Variants in ASPSCR1 observed in about 807,000 individuals in gnomAD.
ASPSCR1 encodes ASPSCR1 tether for SLC2A4, UBX domain containing, also known as tether containing UBX domain for GLUT4.
Under a neutral mutation model 68.9 loss-of-function variants are expected in ASPSCR1, and 55 were observed. The observed-to-expected ratio is 0.80, with a 90% CI of 0.64 to 1.00. The LOEUF is 1.00. ASPSCR1 is among the 50% of genes least tolerant of loss of function. ASPSCR1 has a pLI of 0.00. For missense variants in ASPSCR1, 765 were observed against 762.2 expected (o/e 1.00, Z -0.04); for synonymous variants, 352 against 332.6 (o/e 1.06, Z -0.63).
chr17:82,008,712 C>G (rs896332929), intron 7 of ASPSCR1: 42 of 286,300 alleles, frequency 1.5e-4, no homozygotes, highest in African/African-American at 8.3e-4. Context: ...CCCCTCCCCC[C>G]CATGGAGACC....
intron 3 of ASPSCR1, among the ~76,000 whole-genome samples, chr17:81,985,117 C>G (rs1033097742): frequency 6.6e-6 from 1 of 150,752 alleles, no homozygotes; most frequent in Non-Finnish European, 1.5e-5. Flanking sequence ...CACACACCTG[C>G]ATGTAAACAT....
chr17:81,996,008 C>G lies in ASPSCR1; in HGVS notation c.449C>G (p.Ala150Gly), dbSNP rs776784908. 1.9e-6 allele frequency: 3 copies of G among 1,610,252 alleles called. No individual in the cohort carries two copies. The highest frequency in any genetic ancestry group is 1.7e-6 in the Non-Finnish European group (2 of 1,179,136). ...CTCCTGCAGGTGACGGGTGAAGCTGCCCTGCGGGGCACGACGCTGCAGTCG... is the reference window on the plus strand; with the variant it reads ...CTCCTGCAGGTGACGGGTGAAGCTGGCCTGCGGGGCACGACGCTGCAGTCG... ...YTRDEVTGEA[A>G]LRGTTLQSLG... The change falls in exon 6 of 16, where the codon GCC becomes GGC. Residue 150 changes from alanine (A) to glycine (G), a missense_variant. Physicochemically the swap from Ala to Gly is moderately conservative, Grantham distance 60. Transcript: ENST00000306739.
intron 5 of ASPSCR1, chr17:81,995,196 A>G: frequency 4.2e-6 from 2 of 474,600 alleles, no homozygotes; most frequent in Non-Finnish European, 7.4e-6. Context: ...GGCGCAAGCA[A>G]AGCCCGCCGT....
chr17:82,009,227 G>C, intron 8 of ASPSCR1, 36 bp downstream of exon 8: 2 of 1,559,056 alleles, frequency 1.3e-6, no homozygotes, highest in Non-Finnish European at 1.7e-6. Context: ...GCATCTTCGC[G>C]CCAGGGTTTG....
Position 81,983,811 on chromosome 17 carries a change from C to T in ASPSCR1, c.273+143C>T. On this transcript the variant is annotated intron_variant, in intron 3 of 15. Transcript: ENST00000306739. This position sits in a 1 kb window ranked among gnomAD's most constrained non-coding sequence, Gnocchi z 4.4. The stretch of plus-strand genomic sequence containing the variant: ...AGTTCTGCCTTCCCTGGGTTGGGCC[C>T]AAACAGCTTCCTGTTTTTTGATAAC... 1.6e-6 allele frequency: 1 copy of T among 644,730 alleles called. No individual in the cohort carries two copies. The highest frequency in any genetic ancestry group is 1.9e-5 in the South Asian group (1 of 51,832). The allele number at this position is 644,730 out of a possible 1,614,324, so 39.9% of individuals were successfully genotyped here. A position where few individuals can be genotyped will look rare whatever the true frequency, so the allele number is the denominator to read the frequency against.
At chr17:82,009,216 G>C (rs775666841) in intron 8 of ASPSCR1, 25 bp downstream of exon 8, 16 of 1,578,688 alleles carry the variant, frequency 1.0e-5, no homozygotes, top group Non-Finnish European at 1.4e-5. Context: ...AGTGCCTCCC[G>C]GCATCTTCGC....
intron 3 of ASPSCR1, among the ~76,000 whole-genome samples, chr17:81,984,725 A>G (rs767051596): frequency 6.6e-6 from 1 of 151,918 alleles, no homozygotes; most frequent in Non-Finnish European, 1.5e-5. Context: ...CCACTGGGAC[A>G]CGAGGACTGT....
chr17:82,009,590 C>A, intron 9 of ASPSCR1, 23 bp downstream of exon 9: 1 of 1,546,268 alleles, frequency 6.5e-7, no homozygotes, highest in Non-Finnish European at 8.7e-7. Flanking sequence ...GATGTGGGGG[C>A]GACTGAGGCA....
intron 8 of ASPSCR1, 94 bp from the exon 9 acceptor site, chr17:82,009,392 T>C: frequency 7.2e-7 from 1 of 1,387,740 alleles, no homozygotes; most frequent in East Asian, 2.5e-5. Flanking sequence ...AGCAGCCCAC[T>C]CCCACCCTGG....
intron 9 of ASPSCR1, chr17:82,010,153 C>G (rs1358215422): frequency 1.1e-5 from 3 of 261,858 alleles, no homozygotes; most frequent in African/African-American, 7.2e-5. Flanking sequence ...AACTCCTGAC[C>G]TCAGGTGATC....
In ASPSCR1 at chr17:81,986,398, C is replaced by T. The variant is rs896801024; in HGVS notation, c.374+791C>T. Among the ~76,000 whole-genome samples the T allele has an allele frequency of 6.6e-6, 1 of 152,158 alleles. No homozygotes were observed. Among genetic ancestry groups the T allele is most frequent in the Non-Finnish European group, 1.5e-5 (1 of 68,042 alleles). On this transcript the variant is annotated intron_variant, in intron 4 of 15. Transcript: ENST00000306739. The surrounding 1 kb of genome is among the most constrained non-coding windows in gnomAD (Gnocchi z 5.2). ...GAGCCGAGATCGCACTGCTGCACTC[C>T]AGCCTGGGCAACAGAACGAGACTCT...
chr17:81,994,505 G>A (rs887865985), intron 4 of ASPSCR1, among the ~76,000 whole-genome samples: 19 of 152,202 alleles, frequency 1.2e-4, no homozygotes, highest in African/African-American at 4.1e-4. Flanking sequence ...CCTCCTGTGC[G>A]GTCCCTGGGC....
chr17:82,009,796 G>A, intron 9 of ASPSCR1: 1 of 446,080 alleles, frequency 2.2e-6, no homozygotes, highest in South Asian at 2.4e-5. Flanking sequence ...CCCCCTGTGA[G>A]GTCTGTGGAT....
intron 1 of ASPSCR1, 44 bp from the exon 2 acceptor site, chr17:81,979,140 C>A: frequency 6.2e-7 from 1 of 1,608,234 alleles, no homozygotes; most frequent in Non-Finnish European, 8.5e-7. Flanking sequence ...CGCCCGCCAG[C>A]CCTGCACACT....
intron 3 of ASPSCR1, among the ~76,000 whole-genome samples, chr17:81,985,164 C>T (rs934966093): frequency 6.6e-6 from 1 of 150,460 alleles, no homozygotes; most frequent in Non-Finnish European, 1.5e-5. Flanking sequence ...ATGCGCACAC[C>T]TGCACACACC....
chr17:81,985,230 GCA>G (rs778008232), intron 3 of ASPSCR1, among the ~76,000 whole-genome samples: 2 of 148,498 alleles, frequency 1.3e-5, no homozygotes, highest in African/African-American at 5.0e-5. Flanking sequence ...GCACACCCCC[GCA>G]CACACCCACA....
At position 81,985,637 on chromosome 17, in the gene ASPSCR1, C is replaced by A. The variant is rs1567958579; in HGVS notation, c.374+30C>A. ...GCATCAGTGGGCTGGGGGCTCTTCC[C>A]TACCCTGTTTGCTGGGGAAGCTGCT... On this transcript the variant is annotated intron_variant, in intron 4 of 15. Transcript: ENST00000306739. The A allele has an allele frequency of 3.1e-6, 5 of 1,597,290 alleles. No individual in the cohort carries two copies. In the East Asian group the frequency reaches 8.9e-5, roughly 29 times the overall value.
intron 3 of ASPSCR1, among the ~76,000 whole-genome samples, chr17:81,985,084 C>T (rs1382718001): frequency 2.7e-5 from 4 of 146,714 alleles, no homozygotes; most frequent in South Asian, 4.4e-4. Context: ...ACACACACAC[C>T]TACACATCTG....
At chr17:82,010,480 G>A (rs1401661873) in intron 9 of ASPSCR1, among the ~76,000 whole-genome samples, 4 of 141,146 alleles carry the variant, frequency 2.8e-5, no homozygotes, top group Admixed American at 7.7e-5. Context: ...AGTGAGCCGA[G>A]ATCATGCCAC....
Sources: gnomAD v4.1 joint callset for allele counts (sites outside exome capture counted in the v4.1 genomes callset) on GRCh38, gnomAD v4.1.1 for gene constraint, Gnocchi (gnomAD v3.1) non-coding constraint, MANE v1.5 for transcripts, NCBI Gene and HGNC (gene_info 2026-07-23, HGNC 2026-07-21) for gene names.